Variants in HDAC11 observed in about 807,000 individuals in gnomAD.
HDAC11 encodes histone deacetylase 11.
HDAC11 carries 23 observed loss-of-function variants against 41.1 expected under a neutral mutation model. The ratio of observed to expected loss-of-function variants is 0.56; its 90% confidence interval spans 0.40 to 0.79. HDAC11 has a LOEUF of 0.79. Among genes scored for constraint, HDAC11 ranks in the 30% least tolerant of loss-of-function variants. HDAC11 has a pLI of 0.00. For missense variants in HDAC11, 402 were observed against 477.3 expected (o/e 0.84, Z 1.47); for synonymous variants, 187 against 186.6 (o/e 1.00, Z -0.02).
chr3:13,502,008 G>A lies in HDAC11; in HGVS notation c.552+75G>A, dbSNP rs1010240857. On this transcript the variant is annotated intron_variant, in intron 7 of 9. Transcript: ENST00000295757. This position sits in a 1 kb window ranked among gnomAD's most constrained non-coding sequence, Gnocchi z 4.1. ...TCCAGAATCTTCCCGGGGCAGGAGA[G>A]TCTCCCTCCTCATGTCCCCACGGCT... The A allele has an allele frequency of 1.6e-6, 2 of 1,244,050 alleles. No homozygotes were observed. The highest frequency in any genetic ancestry group is 2.4e-6 in the Non-Finnish European group (2 of 850,082). The allele number at this position is 1,244,050 out of a possible 1,614,324, so 77.1% of individuals were successfully genotyped here.
chr3:13,493,243 G>C (rs1297520592), intron 3 of HDAC11, among the ~76,000 whole-genome samples: 1 of 152,152 alleles, frequency 6.6e-6, no homozygotes, highest in Non-Finnish European at 1.5e-5. Context: ...ATGTCACCTG[G>C]TGGTGCCCTG....
chr3:13,495,792 C>T (rs2125007517), intron 3 of HDAC11, among the ~76,000 whole-genome samples: 1 of 152,348 alleles, frequency 6.6e-6, no homozygotes, highest in Non-Finnish European at 1.5e-5. Flanking sequence ...TTGACCTCTG[C>T]ATCTGGATAA....
At chr3:13,503,802 G>T (rs878866836) in intron 8 of HDAC11, among the ~76,000 whole-genome samples, 1 of 152,164 alleles carries the variant, frequency 6.6e-6, no homozygotes, top group Non-Finnish European at 1.5e-5. Context: ...TAAGGGCAGG[G>T]CAGGGTGTCC....
chr3:13,481,400 G>A lies in HDAC11; in HGVS notation c.151+6G>A, dbSNP rs933911262. On this transcript the variant is annotated splice_donor_region_variant and intron_variant, in intron 2 of 9. Transcript: ENST00000295757. ...AGTGATCAATTTCCTAAAAGGTATG[G>A]AAGGTCCCCCTTGGACTCTCATCTG... The A allele has an allele frequency of 3.7e-6, 6 of 1,613,752 alleles. No individual in the cohort carries two copies. In the African/African-American group the frequency reaches 8.0e-5, roughly 22 times the overall value.
At chr3:13,498,479 C>T (rs776465516) in intron 4 of HDAC11, 34 bp from the exon 5 acceptor site, 3 of 1,613,074 alleles carry the variant, frequency 1.9e-6, no homozygotes, top group Non-Finnish European at 2.5e-6. Context: ...GGATCGGCTG[C>T]CTGCGCCCCC....
chr3:13,504,894 G>A lies in HDAC11; in HGVS notation c.*211G>A. The A allele has an allele frequency of 1.7e-6, 1 of 602,882 alleles. No individual in the cohort carries two copies. Among genetic ancestry groups the A allele is most frequent in the Non-Finnish European group, 2.9e-6 (1 of 340,060 alleles). 37.3% of individuals were successfully genotyped at this position (602,882 alleles called of 1,614,324 possible). ...TCTATGGGTGGGGGCAGAAGGCAGA[G>A]CCTGTGTCCCAGGGGGACCCACACG... On this transcript the variant is annotated 3_prime_UTR_variant, in exon 10 of 10. Transcript: ENST00000295757.
intron 3 of HDAC11, among the ~76,000 whole-genome samples, chr3:13,495,329 C>G (rs1702047015): frequency 6.6e-6 from 1 of 152,146 alleles, no homozygotes; most frequent in Non-Finnish European, 1.5e-5. Context: ...TCCAGTCTCA[C>G]TTAAACCTCA....
Position 13,500,463 on chromosome 3 carries a change from G to C in HDAC11, c.413-250G>C, listed in dbSNP as rs553358244. 3.3e-5 allele frequency among the ~76,000 whole-genome samples: 5 copies of C among 152,306 alleles called. No individual in the cohort carries two copies. In the South Asian group the frequency reaches 8.3e-4, roughly 25 times the overall value. On this transcript the variant is annotated intron_variant, in intron 5 of 9. Coordinates refer to ENST00000295757, the MANE Select transcript of HDAC11 (RefSeq NM_024827.4). ...CAGCTTTCTGCTTCTGGAATGATGA[G>C]CTATCTGTTGCTTAGGGGTGTGAGT...
chr3:13,495,653 TGAC>T (rs1702063569), intron 3 of HDAC11, among the ~76,000 whole-genome samples: 2 of 152,292 alleles, frequency 1.3e-5, no homozygotes, highest in South Asian at 4.1e-4. Flanking sequence ...CCTACTGCCC[TGAC>T]GACAATGTGT....
intron 2 of HDAC11, among the ~76,000 whole-genome samples, chr3:13,481,771 A>G (rs1339326050): frequency 6.6e-6 from 1 of 152,164 alleles, no homozygotes; most frequent in Non-Finnish European, 1.5e-5. Flanking sequence ...CAGATGGGGG[A>G]AATTGTGTCC....
rs1702592650 is a variant in HDAC11 at position 13,505,731 on chromosome 3, G to A, written c.*1048G>A. The A allele has an allele frequency of 6.6e-6, 1 of 152,352 alleles. No homozygotes were observed. The allele number at this position is 152,352 out of a possible 1,614,324, so 9.4% of individuals were successfully genotyped here. A position where few individuals can be genotyped will look rare whatever the true frequency, so the allele number is the denominator to read the frequency against. On this transcript the variant is annotated 3_prime_UTR_variant, in exon 10 of 10. Coordinates refer to ENST00000295757, the MANE Select transcript of HDAC11 (RefSeq NM_024827.4). ...GTAGCCGGGGCAGGGCCCTGGGTGG[G>A]ACTGTGGCCTCCACTGGCCTCACCA...
chr3:13,480,410 T>TAGGGCG lies in HDAC11; in HGVS notation c.2+68_2+73dup, dbSNP rs1349216599. On this transcript the variant is annotated intron_variant, in intron 1 of 9. Transcript: ENST00000295757. The surrounding 1 kb of genome is among the most constrained non-coding windows in gnomAD (Gnocchi z 4.6). ...CAGGGGTCCCGGTGGGCGGGCGCGC[T>TAGGGCG]AGGGCGAGGGCGGGGACGGCCGGGC... is the stretch of plus-strand genomic sequence containing the variant. 3.1e-5 allele frequency: 32 copies of TAGGGCG among 1,026,874 alleles called. No individual in the cohort carries two copies. Among genetic ancestry groups the TAGGGCG allele is most frequent in the South Asian group, 9.7e-5 (2 of 20,716 alleles). 63.6% of individuals were successfully genotyped at this position (1,026,874 alleles called of 1,614,324 possible). A position where few individuals can be genotyped will look rare whatever the true frequency, so the allele number is the denominator to read the frequency against.
chr3:13,481,836 C>T (rs1474363235), intron 2 of HDAC11, among the ~76,000 whole-genome samples: 4 of 152,186 alleles, frequency 2.6e-5, no homozygotes, highest in Admixed American at 2.6e-4. Flanking sequence ...CACAGCAGCC[C>T]TCGGGGTAGG....
chr3:13,498,186 T>C (rs1266926494), intron 4 of HDAC11, among the ~76,000 whole-genome samples: 1 of 152,208 alleles, frequency 6.6e-6, no homozygotes, highest in Non-Finnish European at 1.5e-5. Context: ...AGCAAAACTT[T>C]GCCTATTTTC....
At chr3:13,483,377 G>A in intron 2 of HDAC11, 87 bp from the exon 3 acceptor site, 5 of 1,154,728 alleles carry the variant, frequency 4.3e-6, no homozygotes, top group Non-Finnish European at 6.5e-6. Context: ...GCTGCCACAG[G>A]CCAAGTCTGC....
intron 3 of HDAC11, among the ~76,000 whole-genome samples, chr3:13,489,089 A>G (rs1701729733): frequency 6.6e-6 from 1 of 152,082 alleles, no homozygotes; most frequent in South Asian, 2.1e-4. Context: ...TCCTTTGTCC[A>G]TTTTTAAAAT....
At chr3:13,500,344 G>A (rs1464535668) in intron 5 of HDAC11, among the ~76,000 whole-genome samples, 1 of 152,112 alleles carries the variant, frequency 6.6e-6, no homozygotes, top group African/African-American at 2.4e-5. Context: ...ACCCGCTTTG[G>A]CCACTGGCAG....
Position 13,482,709 on chromosome 3 carries a change from C to T in HDAC11, c.152-755C>T, listed in dbSNP as rs891392079. On this transcript the variant is annotated intron_variant, in intron 2 of 9. Transcript: ENST00000295757. ...TGCTGAGGCAGGAGGATCACTTGAG[C>T]CCAGAAGTTCGAGGGTGCAGTGAGC... Among the ~76,000 whole-genome samples the T allele has an allele frequency of 9.2e-5, 14 of 152,310 alleles. 1 individual carries two copies. The South Asian group carries it at 2.9e-3, about 32-fold the overall frequency.
At chr3:13,497,717 C>T (rs1163022338) in intron 4 of HDAC11, among the ~76,000 whole-genome samples, 1 of 152,190 alleles carries the variant, frequency 6.6e-6, no homozygotes, top group Non-Finnish European at 1.5e-5. Flanking sequence ...GGATCACTAC[C>T]TACTGATCCC....
Sources: allele counts gnomAD v4.1 joint callset (sites outside exome capture counted in the v4.1 genomes callset), GRCh38; gene constraint gnomAD v4.1.1; non-coding constraint Gnocchi (gnomAD v3.1); transcripts MANE v1.5; gene names NCBI Gene and HGNC (gene_info 2026-07-23, HGNC 2026-07-21).